The following BNC2 variants were observed in gnomAD, a reference collection of about 807,000 sequenced individuals.
BNC2 encodes basonuclin zinc finger protein 2.
Under a neutral mutation model 76.3 loss-of-function variants are expected in BNC2, and 20 were observed. The ratio of observed to expected loss-of-function variants is 0.26; its 90% confidence interval spans 0.18 to 0.38. The LOEUF is 0.38. Among genes scored for constraint, BNC2 ranks in the 10% least tolerant of loss-of-function variants. The pLI, the probability that BNC2 is intolerant of heterozygous loss-of-function variation, is 1.00. For missense variants in BNC2, 1,382 were observed against 1,399.8 expected (o/e 0.99, Z 0.20); for synonymous variants, 582 against 514.8 (o/e 1.13, Z -1.77).
At chr9:16,538,593 G>A (rs1818200453) in intron 5 of BNC2, among the ~76,000 whole-genome samples, 1 of 152,104 alleles carries the variant, frequency 6.6e-6, no homozygotes, top group Non-Finnish European at 1.5e-5. Flanking sequence ...ACATTTTAAG[G>A]AATGGGAAGG....
chr9:16,709,258 G>A (rs185915377), intron 3 of BNC2, among the ~76,000 whole-genome samples: 66 of 152,232 alleles, frequency 4.3e-4, no homozygotes, highest in Admixed American at 3.4e-3. Context: ...AGGCTTTCTC[G>A]GCCTGTGGTT....
At chr9:16,795,851 C>A (rs1817632030) in intron 1 of BNC2, among the ~76,000 whole-genome samples, 1 of 152,124 alleles carries the variant, frequency 6.6e-6, no homozygotes, top group African/African-American at 2.4e-5. Context: ...CTAATCCTTG[C>A]AGAATGCCAG....
At chr9:16,850,612 G>A (rs563674748) in intron 1 of BNC2, among the ~76,000 whole-genome samples, 29 of 152,316 alleles carry the variant, frequency 1.9e-4, no homozygotes, top group African/African-American at 7.0e-4. Flanking sequence ...GCCCATGCCT[G>A]TAATTCCACC....
intron 3 of BNC2, among the ~76,000 whole-genome samples, chr9:16,680,850 T>C (rs1409853146): frequency 1.3e-5 from 2 of 152,100 alleles, no homozygotes; most frequent in African/African-American, 2.4e-5. Context: ...TGAAACTCAG[T>C]GTACTTTCTC....
In BNC2 at chr9:16,417,460, C is replaced by A. The variant is rs1466004421; in HGVS notation, c.*1529G>T. 2 of 152,030 alleles carry A rather than the reference C, an allele frequency of 1.3e-5. No homozygotes were observed. The highest frequency in any genetic ancestry group is 4.8e-5 in the African/African-American group (2 of 41,400). The allele number at this position is 152,030 out of a possible 1,614,324, so 9.4% of individuals were successfully genotyped here. A position where few individuals can be genotyped will look rare whatever the true frequency, so the allele number is the denominator to read the frequency against. ...ACATTGAGAGATCCTGCTTTAAAAC[C>A]CCCTTCTTCTGGCTTTTCAGAAAGG... On this transcript the variant is annotated 3_prime_UTR_variant, in exon 7 of 7. Coordinates refer to ENST00000380672, the MANE Select transcript of BNC2 (RefSeq NM_017637.6).
chr9:16,628,485 C>T (rs1001774607), intron 3 of BNC2, among the ~76,000 whole-genome samples: 2 of 152,166 alleles, frequency 1.3e-5, no homozygotes, highest in African/African-American at 2.4e-5. Context: ...CTTCCACATG[C>T]ATCTTTTGGG....
intron 1 of BNC2, among the ~76,000 whole-genome samples, chr9:16,830,387 ATATAAC>A (rs1818553362): frequency 6.6e-6 from 1 of 152,222 alleles, no homozygotes; most frequent in Non-Finnish European, 1.5e-5. Context: ...TAGCATTTGC[ATATAAC>A]CTACACACAT....
At chr9:16,862,491 G>C (rs1586944740) in intron 1 of BNC2, among the ~76,000 whole-genome samples, 2 of 152,146 alleles carry the variant, frequency 1.3e-5, no homozygotes, top group Admixed American at 1.3e-4. Flanking sequence ...AGGTGGAATA[G>C]AACAGGGCCT....
chr9:16,721,237 T>C (rs769804494), intron 3 of BNC2, among the ~76,000 whole-genome samples: 1 of 152,152 alleles, frequency 6.6e-6, no homozygotes, highest in Non-Finnish European at 1.5e-5. Flanking sequence ...GTTTTTCTTA[T>C]AGGAAAACAT....
chr9:16,792,970 A>C (rs1817554244), intron 1 of BNC2, among the ~76,000 whole-genome samples: 1 of 152,268 alleles, frequency 6.6e-6, no homozygotes, highest in Non-Finnish European at 1.5e-5. Flanking sequence ...TACATTTAGA[A>C]CATTTGTATC....
chr9:16,444,844 T>C (rs1821198946), intron 5 of BNC2, among the ~76,000 whole-genome samples: 2 of 152,240 alleles, frequency 1.3e-5, no homozygotes, highest in Admixed American at 6.5e-5. Context: ...TAAGCAGATA[T>C]TTCAACCTTA....
chr9:16,809,637 G>C (rs1254385065), intron 1 of BNC2, among the ~76,000 whole-genome samples: 1 of 152,028 alleles, frequency 6.6e-6, no homozygotes, highest in African/African-American at 2.4e-5. Flanking sequence ...TATTAGCTGG[G>C]TGTGGTGGCG....
At chr9:16,540,319 T>C (rs1357572403) in intron 5 of BNC2, among the ~76,000 whole-genome samples, 1 of 152,100 alleles carries the variant, frequency 6.6e-6, no homozygotes, top group African/African-American at 2.4e-5. Flanking sequence ...ACATTTCCAC[T>C]TGTGTATTGA....
intron 5 of BNC2, among the ~76,000 whole-genome samples, chr9:16,499,179 G>T (rs1278135775): frequency 6.7e-6 from 1 of 148,456 alleles, no homozygotes; most frequent in Admixed American, 6.7e-5. Flanking sequence ...ATATAAATAA[G>T]AATTAAATCT....
At chr9:16,513,345 T>C (rs1822803673) in intron 5 of BNC2, among the ~76,000 whole-genome samples, 1 of 142,176 alleles carries the variant, frequency 7.0e-6, no homozygotes, top group Non-Finnish European at 1.5e-5. Flanking sequence ...CTCGCTCTGT[T>C]GCCCAGGCTG....
chr9:16,564,434 T>C (rs980543521), intron 4 of BNC2, among the ~76,000 whole-genome samples: 1 of 152,176 alleles, frequency 6.6e-6, no homozygotes, highest in Non-Finnish European at 1.5e-5. Flanking sequence ...GATTGGGATT[T>C]TCCAGTTTGG....
intron 1 of BNC2, among the ~76,000 whole-genome samples, chr9:16,808,345 T>A (rs1817961784): frequency 6.6e-6 from 1 of 152,074 alleles, no homozygotes. Flanking sequence ...TAGAATCCTG[T>A]GCTATTCCCA....
intron 1 of BNC2, among the ~76,000 whole-genome samples, chr9:16,793,204 T>A (rs12341168): frequency 5.9e-5 from 9 of 152,152 alleles, no homozygotes; most frequent in Non-Finnish European, 1.2e-4. Context: ...AATACAATGT[T>A]TTTTTAGACT....
chr9:16,659,618 A>T (rs1310144457), intron 3 of BNC2, among the ~76,000 whole-genome samples: 2 of 151,774 alleles, frequency 1.3e-5, no homozygotes, highest in African/African-American at 4.8e-5. Flanking sequence ...AAAAAAAAAA[A>T]AAAAAAATTA....
Sources: gnomAD v4.1 joint callset for allele counts (sites outside exome capture counted in the v4.1 genomes callset) on GRCh38, gnomAD v4.1.1 for gene constraint, MANE v1.5 for transcripts, NCBI Gene and HGNC (gene_info 2026-07-23, HGNC 2026-07-21) for gene names.